The following WDR37 variants were observed in gnomAD, a reference collection of about 807,000 sequenced individuals.
The protein encoded by WDR37 is WD repeat domain 37, also known as WD repeat-containing protein 37.
In WDR37, 19 loss-of-function variants were observed where a neutral mutation model predicts 62.9. The ratio of observed to expected loss-of-function variants is 0.30; its 90% CI spans 0.21 to 0.44. The LOEUF (loss-of-function observed/expected upper bound fraction) is 0.44. WDR37 is among the 20% of genes least tolerant of loss of function. WDR37 has a pLI of 1.00. For synonymous variants in WDR37, 250 were observed against 260.9 expected, an observed-to-expected ratio of 0.96 and a Z score of 0.40; for missense variants, 474 against 657.6, an observed-to-expected ratio of 0.72 and a Z score of 3.05.
intron 9 of WDR37, among the ~76,000 whole-genome samples, chr10:1,099,198 G>A (rs980290045): frequency 4.6e-5 from 7 of 152,202 alleles, no homozygotes; most frequent in Non-Finnish European, 8.8e-5. Flanking sequence ...TCACAAAGAG[G>A]CCTGAATGTT....
chr10:1,071,888 C>T, intron 1 of WDR37, among the ~76,000 whole-genome samples: 1 of 151,872 alleles, frequency 6.6e-6, no homozygotes, highest in East Asian at 1.9e-4. Context: ...CTCTTTTTTG[C>T]CATTTGATAC....
chr10:1,126,342 C>G (rs554586582), intron 13 of WDR37, among the ~76,000 whole-genome samples: 35 of 150,096 alleles, frequency 2.3e-4, no homozygotes, highest in Admixed American at 1.2e-3. Context: ...GGAGGCGGAG[C>G]TTGCAGTGAG....
intron 7 of WDR37, among the ~76,000 whole-genome samples, chr10:1,090,157 T>G (rs1195735793): frequency 6.6e-6 from 1 of 151,866 alleles, no homozygotes; most frequent in Non-Finnish European, 1.5e-5. Flanking sequence ...TTAAAATTTA[T>G]TTTTAATTAA....
intron 11 of WDR37, 180 bp from the exon 12 acceptor site, chr10:1,124,038 T>C (rs1206555233): frequency 1.5e-6 from 1 of 677,512 alleles, no homozygotes; most frequent in African/African-American, 1.8e-5. Context: ...AAGAAATCAG[T>C]TGTCCTTTTC....
At position 1,129,280 on chromosome 10, in the gene WDR37, G is replaced by C. The variant is rs570215843; in HGVS notation, c.1421G>C (p.Cys474Ser). 1.9e-6 allele frequency: 3 copies of C among 1,614,178 alleles called. No individual in the cohort carries two copies. The South Asian group carries it at 3.3e-5, about 18-fold the overall frequency. ...CACCCCGTGTGCAATCTGTTCACCT[G>C]TGGGTTTGACCGGCAAGCCATTGGT... ...EDHPVCNLFT[C>S]GFDRQAIGWN... Residue 474 changes from cysteine (C) to serine (S), a missense_variant, in exon 14 of 14, where the codon TGT becomes TCT. Cys to Ser is a moderately radical substitution (Grantham distance 112, BLOSUM62 -1). Coordinates refer to ENST00000263150, the MANE Select transcript of WDR37 (RefSeq NM_014023.4).
intron 6 of WDR37, among the ~76,000 whole-genome samples, chr10:1,084,838 T>A (rs1413104928): frequency 6.6e-6 from 1 of 152,262 alleles, no homozygotes. Context: ...CTGCACCCTG[T>A]CTTTTCCAGG....
intron 6 of WDR37, among the ~76,000 whole-genome samples, chr10:1,085,516 T>C (rs771314227): frequency 3.9e-5 from 6 of 152,206 alleles, no homozygotes; most frequent in Non-Finnish European, 8.8e-5. Context: ...TTATGAAAGC[T>C]ATCTAAGGTG....
intron 7 of WDR37, among the ~76,000 whole-genome samples, chr10:1,090,762 G>C (rs2131638772): frequency 6.6e-6 from 1 of 152,318 alleles, no homozygotes; most frequent in African/African-American, 2.4e-5. Context: ...TAAATTTTAT[G>C]ACAGTTAAAT....
intron 13 of WDR37, among the ~76,000 whole-genome samples, chr10:1,128,382 A>G (rs1835866167): frequency 1.3e-5 from 2 of 152,254 alleles, no homozygotes; most frequent in Admixed American, 6.5e-5. Context: ...TGCTATGTAC[A>G]TACACACCGA....
In WDR37 at chr10:1,084,330, C is replaced by T. The variant is rs1196792993; in HGVS notation, c.397-73C>T. ...TGTGCATTTTCCAAGACGTCTTTTTCGTTTTCTCTTTCTTGACTTAGAAAA... is the reference window on the plus strand; with the variant it reads ...TGTGCATTTTCCAAGACGTCTTTTTTGTTTTCTCTTTCTTGACTTAGAAAA... On this transcript the variant is annotated intron_variant, in intron 5 of 13. Transcript: ENST00000263150. 58 of 1,553,476 alleles carry T rather than the reference C, an allele frequency of 3.7e-5. 1 individual carries two copies. The highest frequency in any genetic ancestry group is 1.7e-4 in the Middle Eastern group (1 of 5,832).
intron 1 of WDR37, among the ~76,000 whole-genome samples, chr10:1,057,650 A>G (rs35657988): frequency 0.19 from 29,390 of 152,250 alleles, 3,008 homozygotes; most frequent in Non-Finnish European, 0.22. Context: ...AAGAGCAACA[A>G]TAATAATGTA....
chr10:1,078,481 A>G (rs546792873), intron 3 of WDR37, among the ~76,000 whole-genome samples: 5 of 152,332 alleles, frequency 3.3e-5, no homozygotes, highest in African/African-American at 1.2e-4. Flanking sequence ...TTACCCCTCA[A>G]GCCCATCGCA....
At chr10:1,128,925 C>T (rs1835889107) in intron 13 of WDR37, among the ~76,000 whole-genome samples, 1 of 150,286 alleles carries the variant, frequency 6.7e-6, no homozygotes, top group Non-Finnish European at 1.5e-5. Flanking sequence ...GCTCTATGGT[C>T]CATGGGGTGC....
chr10:1,123,154 T>TA (rs1835639928), intron 11 of WDR37, among the ~76,000 whole-genome samples: 1 of 152,214 alleles, frequency 6.6e-6, no homozygotes, highest in South Asian at 2.1e-4. Context: ...ACATTTGAAT[T>TA]AAAAAGAAAA....
At chr10:1,068,355 C>CCTGTAGTCCCAGCCACTTGGGAGG (rs755345670) in intron 1 of WDR37, among the ~76,000 whole-genome samples, 2 of 115,410 alleles carry the variant, frequency 1.7e-5, no homozygotes, top group African/African-American at 7.0e-5. Flanking sequence ...GTGGCGGGCG[C>CCTGTAGTCCCAGCCACTTGGGAGG]CTGAGGCAGG....
At chr10:1,111,126 C>G (rs532547250) in intron 11 of WDR37, among the ~76,000 whole-genome samples, 1 of 152,346 alleles carries the variant, frequency 6.6e-6, no homozygotes, top group Admixed American at 6.5e-5. Context: ...TAAAAATACC[C>G]TTTCTCACAT....
At chr10:1,091,096 G>C (rs1319137341) in intron 7 of WDR37, among the ~76,000 whole-genome samples, 3 of 152,228 alleles carry the variant, frequency 2.0e-5, no homozygotes, top group South Asian at 2.1e-4. Flanking sequence ...ACTATTTTGA[G>C]TGGGTGAGCA....
intron 13 of WDR37, among the ~76,000 whole-genome samples, chr10:1,126,306 T>C (rs913522338): frequency 1.3e-5 from 2 of 149,970 alleles, no homozygotes; most frequent in South Asian, 2.1e-4. Context: ...CTCGGGAGGC[T>C]GAGGCAGGAG....
intron 1 of WDR37, among the ~76,000 whole-genome samples, chr10:1,060,456 A>G (rs1196907638): frequency 6.6e-6 from 1 of 152,256 alleles, no homozygotes; most frequent in African/African-American, 2.4e-5. Context: ...CTTGAAAATA[A>G]TGTTTTATTG....
Sources: allele counts gnomAD v4.1 joint callset (sites outside exome capture counted in the v4.1 genomes callset), GRCh38; gene constraint gnomAD v4.1.1; transcripts MANE v1.5; gene names NCBI Gene and HGNC (gene_info 2026-07-23, HGNC 2026-07-21).